CSMD3: variants seen among roughly 807,000 people sequenced by gnomAD.
CSMD3 encodes the protein CUB and Sushi multiple domains 3, also known as CUB and sushi domain-containing protein 3.
A neutral mutation model predicts 435.2 loss-of-function variants in CSMD3; 177 were observed. The observed-to-expected ratio is 0.41, with a 90% CI of 0.36 to 0.46. The LOEUF is 0.46. Ranked by LOEUF, CSMD3 falls within the 20% of genes least tolerant of loss-of-function variation. The pLI is 0.34. For missense variants in CSMD3, 4,265 were observed against 4,504.6 expected (o/e 0.95, Z 1.52); for synonymous variants, 1,656 against 1,520.5 (o/e 1.09, Z -2.07).
intron 32 of CSMD3, among the ~76,000 whole-genome samples, chr8:112,423,299 G>T (rs1228462421): frequency 6.6e-6 from 1 of 152,202 alleles, no homozygotes; most frequent in East Asian, 1.9e-4. Flanking sequence ...TATCACTGTT[G>T]TCATCTTCAT....
chr8:112,449,966 C>T (rs1816077406), intron 32 of CSMD3, among the ~76,000 whole-genome samples: 1 of 152,148 alleles, frequency 6.6e-6, no homozygotes, highest in Admixed American at 6.5e-5. Context: ...TCAGCTTATC[C>T]ACCCGCCTCA....
At chr8:113,335,293 C>T (rs74722795) in intron 1 of CSMD3, among the ~76,000 whole-genome samples, 54 of 152,032 alleles carry the variant, frequency 3.6e-4, no homozygotes, top group East Asian at 1.7e-3. Context: ...TTATAATTAC[C>T]CAGTCTCGGG....
chr8:112,613,747 G>T (rs1214162558), intron 22 of CSMD3, among the ~76,000 whole-genome samples: 1 of 152,092 alleles, frequency 6.6e-6, no homozygotes, highest in Non-Finnish European at 1.5e-5. Context: ...AAAAAAAAGA[G>T]CAAGAAAGAT....
chr8:113,214,948 CATGAT>C (rs2092884538), intron 3 of CSMD3, among the ~76,000 whole-genome samples: 2 of 151,666 alleles, frequency 1.3e-5, no homozygotes, highest in Admixed American at 1.3e-4. Context: ...GTGATATCAA[CATGAT>C]ATGAAACTAA....
intron 13 of CSMD3, among the ~76,000 whole-genome samples, chr8:112,746,715 G>T (rs2077435026): frequency 6.6e-6 from 1 of 151,830 alleles, no homozygotes. Flanking sequence ...GGTCTTTTGT[G>T]AGCATGACTA....
chr8:112,556,985 A>C, intron 24 of CSMD3, 31 bp from the exon 25 acceptor site: 1 of 1,338,306 alleles, frequency 7.5e-7, no homozygotes, highest in Non-Finnish European at 1.1e-6. Context: ...GATTAAAGGC[A>C]AAATTTAGGA....
Position 112,893,420 on chromosome 8 carries a change from A to G in CSMD3, c.1633+28207T>C, listed in dbSNP as rs540237403. On this transcript the variant is annotated intron_variant, in intron 10 of 70. Coordinates refer to ENST00000297405, the MANE Select transcript of CSMD3 (RefSeq NM_198123.2). ...GATTTAAGTGCAATTCCCAACAATA[A>G]TGCAATTAAATTAAAACATCTAGGG... 5.1e-4 allele frequency among the ~76,000 whole-genome samples: 77 copies of G among 151,560 alleles called. No individual in the cohort carries two copies. The Middle Eastern group carries it at 0.014, about 27-fold the overall frequency.
intron 23 of CSMD3, among the ~76,000 whole-genome samples, chr8:112,577,082 T>C (rs1035977098): frequency 2.0e-5 from 3 of 151,970 alleles, no homozygotes; most frequent in African/African-American, 7.2e-5. Context: ...AAAATGAAAC[T>C]GGATCATTCA....
In CSMD3 at chr8:112,736,856, G is replaced by A. The variant is rs117967384; in HGVS notation, c.1973-46806C>T. On this transcript the variant is annotated intron_variant, in intron 13 of 70. Coordinates refer to ENST00000297405, the MANE Select transcript of CSMD3 (RefSeq NM_198123.2). ...TAGGGAACAATGGGAGAAAATCTCTGGATCTATATCAGCGTATACTGCCCT... is the reference window on the plus strand; with the variant it reads ...TAGGGAACAATGGGAGAAAATCTCTAGATCTATATCAGCGTATACTGCCCT... Among the ~76,000 whole-genome samples, 1,498 of 151,978 alleles carry A rather than the reference G, an allele frequency of 9.9e-3. 15 individuals are homozygous for A. The highest frequency in any genetic ancestry group is 0.026 in the South Asian group (123 of 4,818).
intron 3 of CSMD3, among the ~76,000 whole-genome samples, chr8:113,235,779 T>C (rs1310250910): frequency 1.3e-5 from 2 of 152,116 alleles, no homozygotes; most frequent in African/African-American, 2.4e-5. Flanking sequence ...CCAAACTGGC[T>C]TGTCCCCTTG....
intron 32 of CSMD3, among the ~76,000 whole-genome samples, chr8:112,453,234 C>G (rs1586374817): frequency 6.6e-6 from 1 of 152,192 alleles, no homozygotes; most frequent in East Asian, 1.9e-4. Flanking sequence ...CTCACCACCC[C>G]TACCCAACAC....
At chr8:113,277,974 T>C (rs2093584511) in intron 3 of CSMD3, among the ~76,000 whole-genome samples, 1 of 152,072 alleles carries the variant, frequency 6.6e-6, no homozygotes, top group East Asian at 1.9e-4. Context: ...CCTAGTGATA[T>C]GTATGAGTAT....
chr8:112,320,708 T>C (rs1290454328), intron 45 of CSMD3, among the ~76,000 whole-genome samples: 2 of 149,862 alleles, frequency 1.3e-5, no homozygotes, highest in African/African-American at 4.9e-5. Flanking sequence ...AGTGTTCTCA[T>C]TGTTCAATTC....
intron 11 of CSMD3, among the ~76,000 whole-genome samples, chr8:112,840,892 A>G (rs190089631): frequency 2.6e-5 from 4 of 151,862 alleles, no homozygotes; most frequent in African/African-American, 9.6e-5. Context: ...ATTTAAAAAT[A>G]TGACTCTTTA....
chr8:112,369,911 T>C (rs937910316), intron 38 of CSMD3, among the ~76,000 whole-genome samples: 1 of 141,364 alleles, frequency 7.1e-6, no homozygotes, highest in South Asian at 2.3e-4. Flanking sequence ...ATTAAATAAA[T>C]AAATCACAAT....
intron 31 of CSMD3, among the ~76,000 whole-genome samples, chr8:112,473,253 G>A (rs1818702752): frequency 6.6e-6 from 1 of 152,068 alleles, no homozygotes; most frequent in African/African-American, 2.4e-5. Flanking sequence ...GCTACCTCAG[G>A]CCCAATGTGG....
chr8:112,431,460 A>T (rs1813701317), intron 32 of CSMD3, among the ~76,000 whole-genome samples: 1 of 152,166 alleles, frequency 6.6e-6, no homozygotes, highest in African/African-American at 2.4e-5. Flanking sequence ...TACATAAAAC[A>T]TACAGTACAC....
At chr8:112,626,178 G>A (rs1020787798) in intron 22 of CSMD3, among the ~76,000 whole-genome samples, 4 of 152,000 alleles carry the variant, frequency 2.6e-5, no homozygotes, top group East Asian at 1.9e-4. Context: ...TAATATTTTC[G>A]TTAGGGACTG....
At chr8:112,323,953 A>G (rs1333667163) in intron 45 of CSMD3, among the ~76,000 whole-genome samples, 1 of 152,074 alleles carries the variant, frequency 6.6e-6, no homozygotes, top group Non-Finnish European at 1.5e-5. Flanking sequence ...TGCCCTACTC[A>G]CACAGCCAGA....
Sources: allele counts gnomAD v4.1 joint callset (sites outside exome capture counted in the v4.1 genomes callset), GRCh38; gene constraint gnomAD v4.1.1; transcripts MANE v1.5; gene names NCBI Gene and HGNC (gene_info 2026-07-23, HGNC 2026-07-21).